Variants in SH3BGRL2 observed in about 807,000 individuals in gnomAD.
The protein encoded by SH3BGRL2 is SH3 domain-binding glutamic acid-rich-like protein 2.
SH3BGRL2 carries 21 observed loss-of-function variants against 14.8 expected under a neutral mutation model. That is an observed-to-expected ratio of 1.42 (90% CI 1.01 to 2.05). The LOEUF is 2.05. Among genes scored for constraint, SH3BGRL2 ranks in the 30% most tolerant of loss-of-function variants. SH3BGRL2 has a pLI of 0.00. For synonymous variants in SH3BGRL2, 50 were observed against 47.8 expected (o/e 1.05, Z -0.19); for missense variants, 147 against 130.8 (o/e 1.12, Z -0.61).
chr6:79,584,415 G>A, the SH3BGRL2 span, among the ~76,000 whole-genome samples: 1 of 152,120 alleles, frequency 6.6e-6, no homozygotes, highest in Admixed American at 6.6e-5. Flanking sequence ...TTTCCAAATG[G>A]AAATGTAAAA....
At chr6:79,655,576 C>T (rs552010972) in intron 1 of SH3BGRL2, among the ~76,000 whole-genome samples, 8 of 152,212 alleles carry the variant, frequency 5.3e-5, no homozygotes, top group African/African-American at 1.7e-4. Flanking sequence ...CCTTTAGCAA[C>T]GGGTCCCCAA....
intron 2 of SH3BGRL2, among the ~76,000 whole-genome samples, chr6:79,678,087 A>G (rs1386777696): frequency 2.0e-5 from 3 of 152,112 alleles, no homozygotes; most frequent in African/African-American, 7.2e-5. Flanking sequence ...CTATTCAGCA[A>G]ACAGATGATT....
intron 2 of SH3BGRL2, 84 bp downstream of exon 2, chr6:79,673,883 G>A (rs1244666952): frequency 1.4e-6 from 2 of 1,394,940 alleles, no homozygotes; most frequent in African/African-American, 2.9e-5. Flanking sequence ...TTTTTCCAGT[G>A]AAGACTGTGA....
chr6:79,621,503 T>C, the SH3BGRL2 span, among the ~76,000 whole-genome samples: 10 of 152,308 alleles, frequency 6.6e-5, no homozygotes, highest in Admixed American at 3.3e-4. Flanking sequence ...TTCCCAGCTT[T>C]CAGTACTGTT....
chr6:79,549,280 T>G, the SH3BGRL2 span, among the ~76,000 whole-genome samples: 1 of 152,000 alleles, frequency 6.6e-6, no homozygotes, highest in African/African-American at 2.4e-5. Flanking sequence ...AGCCCAAAAT[T>G]TCATAGGTAA....
intron 1 of SH3BGRL2, among the ~76,000 whole-genome samples, chr6:79,658,207 T>G (rs1471725363): frequency 6.6e-6 from 1 of 152,206 alleles, no homozygotes; most frequent in Non-Finnish European, 1.5e-5. Flanking sequence ...GCAGGTTTGT[T>G]GCATAGGTAT....
intron 1 of SH3BGRL2, among the ~76,000 whole-genome samples, chr6:79,673,307 G>T (rs1486141058): frequency 6.6e-6 from 1 of 152,088 alleles, no homozygotes; most frequent in Admixed American, 6.5e-5. Context: ...GGGTGCAGTG[G>T]CTCATACCTG....
At chr6:79,636,800 TC>T (rs1473450830) in intron 1 of SH3BGRL2, among the ~76,000 whole-genome samples, 5 of 152,150 alleles carry the variant, frequency 3.3e-5, no homozygotes, top group Admixed American at 1.3e-4. Flanking sequence ...ATGGCATTCT[TC>T]CTCTGTGCAT....
At chr6:79,578,918 A>G in the SH3BGRL2 span, among the ~76,000 whole-genome samples, 1 of 152,204 alleles carries the variant, frequency 6.6e-6, no homozygotes, top group East Asian at 1.9e-4. Flanking sequence ...AGATTAGATG[A>G]ATAGCTAACT....
At chr6:79,609,377 A>G in the SH3BGRL2 span, among the ~76,000 whole-genome samples, 1 of 152,230 alleles carries the variant, frequency 6.6e-6, no homozygotes, top group African/African-American at 2.4e-5. Flanking sequence ...AGGAATGGTC[A>G]TGCCTGATGC....
chr6:79,644,871 C>G (rs981303851), intron 1 of SH3BGRL2, among the ~76,000 whole-genome samples: 5 of 151,892 alleles, frequency 3.3e-5, no homozygotes, highest in Non-Finnish European at 7.4e-5. Flanking sequence ...ATAATAGGTC[C>G]TGAGTTGGCC....
the SH3BGRL2 span, among the ~76,000 whole-genome samples, chr6:79,625,481 A>G: frequency 6.6e-6 from 1 of 152,112 alleles, no homozygotes; most frequent in East Asian, 1.9e-4. Flanking sequence ...TATTCTTTTT[A>G]TCTTAATTAT....
intron 1 of SH3BGRL2, among the ~76,000 whole-genome samples, chr6:79,668,302 G>A (rs1204752346): frequency 6.6e-6 from 1 of 152,164 alleles, no homozygotes; most frequent in Non-Finnish European, 1.5e-5. Flanking sequence ...TATTTAGCCT[G>A]TCTTCCAATC....
At chr6:79,600,672 C>T in the SH3BGRL2 span, among the ~76,000 whole-genome samples, 2 of 152,182 alleles carry the variant, frequency 1.3e-5, no homozygotes, top group African/African-American at 2.4e-5. Flanking sequence ...CACCAGCTCA[C>T]CCGGGAGCTG....
At chr6:79,613,536 A>G in the SH3BGRL2 span, among the ~76,000 whole-genome samples, 2 of 152,230 alleles carry the variant, frequency 1.3e-5, no homozygotes, top group African/African-American at 4.8e-5. Context: ...TAAACTTTAG[A>G]AACAATGTTT....
At chr6:79,553,236 G>C in the SH3BGRL2 span, 1 of 152,008 alleles carries the variant, frequency 6.6e-6, no homozygotes, top group Non-Finnish European at 1.5e-5. Flanking sequence ...AATGTTACTC[G>C]GATCAAAAAT....
intron 1 of SH3BGRL2, among the ~76,000 whole-genome samples, chr6:79,673,101 C>T (rs1769804434): frequency 8.0e-6 from 1 of 124,434 alleles, no homozygotes; most frequent in African/African-American, 3.0e-5. Context: ...TGGTTTTGGG[C>T]AAAGGGAGCT....
chr6:79,668,841 A>G (rs985119786), intron 1 of SH3BGRL2, among the ~76,000 whole-genome samples: 1 of 152,206 alleles, frequency 6.6e-6, no homozygotes, highest in Non-Finnish European at 1.5e-5. Flanking sequence ...TGTCAGAGTT[A>G]GAAGCAAAGT....
chr6:79,606,144 A>G, the SH3BGRL2 span, among the ~76,000 whole-genome samples: 26,769 of 151,946 alleles, frequency 0.18, 2,459 homozygotes, highest in South Asian at 0.22. Context: ...CTAAGGAAGC[A>G]CTCCCAAGCC....
Sources: gnomAD v4.1 joint callset for allele counts (sites outside exome capture counted in the v4.1 genomes callset) on GRCh38, gnomAD v4.1.1 for gene constraint, MANE v1.5 for transcripts, NCBI Gene and HGNC (gene_info 2026-07-23, HGNC 2026-07-21) for gene names.